NEGR1: variants seen among roughly 807,000 people sequenced by gnomAD.
NEGR1 encodes IgLON family member 4.
In NEGR1, 10 loss-of-function variants were observed where a neutral mutation model predicts 40.9. The observed-to-expected ratio is 0.24, with a 90% confidence interval of 0.15 to 0.42. The LOEUF is 0.42. NEGR1 is among the 10% of genes least tolerant of loss of function. NEGR1 has a pLI of 1.00. For synonymous variants in NEGR1, 185 were observed against 166.8 expected (o/e 1.11, Z -0.84); for missense variants, 352 against 438.9 (o/e 0.80, Z 1.77).
At chr1:71,860,850 A>G (rs555733619) in intron 2 of NEGR1, among the ~76,000 whole-genome samples, 1 of 152,190 alleles carries the variant, frequency 6.6e-6, no homozygotes, top group African/African-American at 2.4e-5. Flanking sequence ...TGTGGTTGGG[A>G]ATAGTGAACA....
chr1:71,582,719 C>T (rs1264036049), intron 6 of NEGR1, among the ~76,000 whole-genome samples: 2 of 152,108 alleles, frequency 1.3e-5, no homozygotes, highest in African/African-American at 4.8e-5. Flanking sequence ...CCTGCTTTTC[C>T]CCAGAAATGT....
intron 1 of NEGR1, among the ~76,000 whole-genome samples, chr1:72,139,785 A>G (rs975290049): frequency 6.6e-6 from 1 of 152,074 alleles, no homozygotes; most frequent in African/African-American, 2.4e-5. Context: ...GATGATGGAT[A>G]TGTTTACTAT....
intron 1 of NEGR1, among the ~76,000 whole-genome samples, chr1:72,097,287 T>A (rs1200865199): frequency 6.6e-6 from 1 of 152,184 alleles, no homozygotes; most frequent in South Asian, 2.1e-4. Flanking sequence ...CTTTTAAGGT[T>A]GTTGTGAAGA....
chr1:71,946,490 A>G (rs1646020115), intron 1 of NEGR1, among the ~76,000 whole-genome samples: 1 of 151,572 alleles, frequency 6.6e-6, no homozygotes, highest in African/African-American at 2.4e-5. Flanking sequence ...AAATATGTCC[A>G]AAGAAATCGA....
chr1:71,743,621 C>T (rs1270703865), intron 3 of NEGR1, among the ~76,000 whole-genome samples: 3 of 151,984 alleles, frequency 2.0e-5, no homozygotes. Context: ...TATTGTTGTT[C>T]TCTCAGGCTC....
At chr1:71,499,699 C>A (rs1231602283) in intron 6 of NEGR1, among the ~76,000 whole-genome samples, 1 of 151,768 alleles carries the variant, frequency 6.6e-6, no homozygotes, top group Non-Finnish European at 1.5e-5. Context: ...TCCTTCTTAA[C>A]CTTTGCAGTA....
intron 4 of NEGR1, among the ~76,000 whole-genome samples, chr1:71,648,303 T>C (rs910949789): frequency 1.3e-5 from 2 of 151,876 alleles, no homozygotes; most frequent in Non-Finnish European, 2.9e-5. Flanking sequence ...ACAATGTTTT[T>C]TTAAAGACTA....
At chr1:72,228,233 G>A (rs192520288) in intron 1 of NEGR1, among the ~76,000 whole-genome samples, 59 of 152,244 alleles carry the variant, frequency 3.9e-4, no homozygotes, top group Non-Finnish European at 1.5e-4. Context: ...TGGTGGACTC[G>A]GAAAAACAGT....
At chr1:71,856,835 T>C (rs1388272761) in intron 2 of NEGR1, among the ~76,000 whole-genome samples, 1 of 152,090 alleles carries the variant, frequency 6.6e-6, no homozygotes, top group Non-Finnish European at 1.5e-5. Flanking sequence ...TTTTTAACAG[T>C]GTCAACCTCA....
chr1:72,110,577 T>C (rs1649321795), intron 1 of NEGR1, among the ~76,000 whole-genome samples: 1 of 151,662 alleles, frequency 6.6e-6, no homozygotes, highest in Non-Finnish European at 1.5e-5. Context: ...AGTTTATTCA[T>C]AAATTAAAAA....
intron 1 of NEGR1, among the ~76,000 whole-genome samples, chr1:72,272,305 C>T (rs931797528): frequency 2.0e-5 from 3 of 151,804 alleles, no homozygotes; most frequent in Non-Finnish European, 2.9e-5. Context: ...AGGTTTTGAA[C>T]GCTAATAACC....
At chr1:71,555,279 G>C (rs1386546421) in intron 6 of NEGR1, among the ~76,000 whole-genome samples, 3 of 151,418 alleles carry the variant, frequency 2.0e-5, no homozygotes, top group Non-Finnish European at 3.0e-5. Flanking sequence ...ATTGGTAGTA[G>C]ATGCTTGGAG....
intron 4 of NEGR1, among the ~76,000 whole-genome samples, chr1:71,611,897 T>C (rs979007461): frequency 2.0e-5 from 3 of 152,216 alleles, no homozygotes; most frequent in African/African-American, 7.2e-5. Context: ...GGATCTCTCA[T>C]ACCATCAACT....
chr1:71,790,106 T>C (rs1657056471), intron 2 of NEGR1, among the ~76,000 whole-genome samples: 2 of 152,064 alleles, frequency 1.3e-5, no homozygotes, highest in Admixed American at 6.6e-5. Context: ...TATGAACATA[T>C]TGAGTGTGTA....
chr1:71,554,411 G>A (rs1174362715), intron 6 of NEGR1, among the ~76,000 whole-genome samples: 1 of 151,318 alleles, frequency 6.6e-6, no homozygotes, highest in Admixed American at 6.6e-5. Context: ...TTTAGCAGGG[G>A]CCAATTAGTT....
intron 5 of NEGR1, among the ~76,000 whole-genome samples, chr1:71,597,235 T>G (rs990318249): frequency 2.0e-5 from 3 of 151,986 alleles, no homozygotes; most frequent in Non-Finnish European, 4.4e-5. Flanking sequence ...GTTATCAAAT[T>G]ACGATTAAAT....
intron 6 of NEGR1, among the ~76,000 whole-genome samples, chr1:71,556,975 T>G (rs144477845): frequency 6.6e-6 from 1 of 151,752 alleles, no homozygotes; most frequent in Non-Finnish European, 1.5e-5. Context: ...ATGTGGAGAT[T>G]GCATTTTGCA....
At chr1:72,097,448 T>A (rs1648745670) in intron 1 of NEGR1, among the ~76,000 whole-genome samples, 2 of 152,268 alleles carry the variant, frequency 1.3e-5, no homozygotes, top group Admixed American at 1.3e-4. Context: ...ACTATTTTCC[T>A]CTATGGCACA....
chr1:71,660,870 G>A lies in NEGR1; in HGVS notation c.667+37138C>T, dbSNP rs559909307. Among the ~76,000 whole-genome samples, 6 of 152,068 alleles carry A rather than the reference G, an allele frequency of 3.9e-5. No homozygotes were observed. The East Asian group carries it at 9.7e-4, about 25-fold the overall frequency. ...CTCCTAGCCCCCTACTACCTGACAG[G>A]CCCCAGTGTGTGATGTTCCCCTCTC... On this transcript the variant is annotated intron_variant, in intron 4 of 6. Coordinates refer to ENST00000357731, the MANE Select transcript of NEGR1 (RefSeq NM_173808.3).
Sources: allele counts gnomAD v4.1 joint callset (sites outside exome capture counted in the v4.1 genomes callset), GRCh38; gene constraint gnomAD v4.1.1; transcripts MANE v1.5; gene names NCBI Gene and HGNC (gene_info 2026-07-23, HGNC 2026-07-21).